The following PRKCSH variants were observed in gnomAD, a reference collection of about 807,000 sequenced individuals.
PRKCSH encodes the protein glucosidase 2 subunit beta.
Under a neutral mutation model 79.7 loss-of-function variants are expected in PRKCSH, and 42 were observed. The observed-to-expected ratio is 0.53, with a 90% CI of 0.41 to 0.68. The LOEUF is 0.68. Among genes scored for constraint, PRKCSH ranks in the 30% least tolerant of loss-of-function variants. PRKCSH has a pLI of 0.00. For synonymous variants in PRKCSH, 325 were observed against 288.2 expected (o/e 1.13, Z -1.29); for missense variants, 686 against 709.0 (o/e 0.97, Z 0.37).
rs189818632 is a variant in PRKCSH, at chr19:11,449,623, A to C, written c.*16+195A>C. On this transcript the variant is annotated intron_variant, in intron 17 of 17. Coordinates refer to ENST00000677123, the MANE Select transcript of PRKCSH (RefSeq NM_001289104.2). This position sits in a 1 kb window ranked among gnomAD's most constrained non-coding sequence, Gnocchi z 6.4. ...AGTGATGCGACCTCAGCTGACTGCA[A>C]CCTCTACCTCCCGGGTTCAAACAAT... The C allele has an allele frequency of 2.0e-5, 13 of 662,172 alleles. No homozygotes were observed. The highest frequency in any genetic ancestry group is 3.1e-5 in the Non-Finnish European group (12 of 392,514). 41.0% of individuals were successfully genotyped at this position (662,172 alleles called of 1,614,324 possible).
intron 5 of PRKCSH, 35 bp from the exon 6 acceptor site, chr19:11,441,205 C>T (rs768306431): frequency 1.9e-6 from 3 of 1,602,438 alleles, no homozygotes; most frequent in South Asian, 2.2e-5. Flanking sequence ...TCCTAAGTGC[C>T]CCACTGGTGG....
At position 11,448,849 on chromosome 19, in the gene PRKCSH, G is replaced by A; in HGVS notation, c.1287-65G>A. 5.1e-6 allele frequency: 8 copies of A among 1,582,646 alleles called. No individual in the cohort carries two copies. Among genetic ancestry groups the A allele is most frequent in the Non-Finnish European group, 6.9e-6 (8 of 1,151,740 alleles). ...TGTGGGGACTGGAGGAGGCGGTGGGGGGTGGCTGTGGGAGGAGGCTGGAAT... is the reference window on the plus strand; with the variant it reads ...TGTGGGGACTGGAGGAGGCGGTGGGAGGTGGCTGTGGGAGGAGGCTGGAAT... On this transcript the variant is annotated intron_variant, in intron 14 of 17. Transcript: ENST00000677123. This position sits in a 1 kb window ranked among gnomAD's most constrained non-coding sequence, Gnocchi z 4.4.
In PRKCSH at chr19:11,436,138, G is replaced by A. The variant is rs781002317; in HGVS notation, c.21G>A (p.Leu7=). The A allele has an allele frequency of 6.2e-7, 1 of 1,608,316 alleles. No individual in the cohort carries two copies. The highest frequency in any genetic ancestry group is 8.5e-7 in the Non-Finnish European group (1 of 1,179,002). ...GTGAGATGCTGTTGCCGCTGCTGCTGCTGCTACCCATGTGCTGGGCCGTGG... is the reference window on the plus strand; with the variant it reads ...GTGAGATGCTGTTGCCGCTGCTGCTACTGCTACCCATGTGCTGGGCCGTGG... MLLPLL[L]LLPMCWAVEV... is the part of the protein sequence containing the mutation. The change falls in exon 2 of 18, where the codon CTG becomes CTA. Residue 7 remains leucine (L), a synonymous_variant. Coordinates refer to ENST00000677123, the MANE Select transcript of PRKCSH (RefSeq NM_001289104.2).
rs114634588 is a variant in PRKCSH, at chr19:11,442,269, T to G, written c.469-117T>G. Reference sequence around the variant, plus strand: ...CCCAGCTCGGGAGAGAGACCCAGCTTGGTGTGTGTTTTGGAACATCTCCCT... The same window carrying G: ...CCCAGCTCGGGAGAGAGACCCAGCTGGGTGTGTGTTTTGGAACATCTCCCT... On this transcript the variant is annotated intron_variant, in intron 6 of 17. Transcript: ENST00000677123. 1.3e-3 allele frequency: 1,823 copies of G among 1,412,764 alleles called. 27 individuals are homozygous for G. The African/African-American group carries it at 0.023, about 18-fold the overall frequency. 87.5% of individuals were successfully genotyped at this position (1,412,764 alleles called of 1,614,324 possible).
rs896739189 is a variant in PRKCSH at position 11,447,300 on chromosome 19, C to A, written c.850-139C>A. On this transcript the variant is annotated intron_variant, in intron 10 of 17. Transcript: ENST00000677123. This position sits in a 1 kb window ranked among gnomAD's most constrained non-coding sequence, Gnocchi z 5.6. ...CCCAGCACCCCCCACCGAGACCCCCCGACCCCAGCTGTCGGTCCTCCCTGC... is the reference window on the plus strand; with the variant it reads ...CCCAGCACCCCCCACCGAGACCCCCAGACCCCAGCTGTCGGTCCTCCCTGC... 2.2e-6 allele frequency: 3 copies of A among 1,333,634 alleles called. No homozygotes were observed. Among genetic ancestry groups the A allele is most frequent in the South Asian group, 2.5e-5 (2 of 80,550 alleles). 82.6% of individuals were successfully genotyped at this position (1,333,634 alleles called of 1,614,324 possible).
chr19:11,445,989 G>A, intron 8 of PRKCSH: 1 of 568,460 alleles, frequency 1.8e-6, no homozygotes, highest in Non-Finnish European at 3.2e-6. Context: ...AATGTGCCGG[G>A]TCCTGGGGTG....
Position 11,449,026 on chromosome 19 carries a change from C to G in PRKCSH, c.1361+38C>G. 1 of 1,613,050 alleles carries G rather than the reference C, an allele frequency of 6.2e-7. No individual in the cohort carries two copies. Among genetic ancestry groups the G allele is most frequent in the Non-Finnish European group, 8.5e-7 (1 of 1,179,972 alleles). Reference sequence around the variant, plus strand: ...GGCTGGCCCCTTCCCTCTGCCTCCTCCTGGTGCCCCGACACCGGCCCAGCC... The same window carrying G: ...GGCTGGCCCCTTCCCTCTGCCTCCTGCTGGTGCCCCGACACCGGCCCAGCC... On this transcript the variant is annotated intron_variant, in intron 15 of 17. Coordinates refer to ENST00000677123, the MANE Select transcript of PRKCSH (RefSeq NM_001289104.2). This position sits in a 1 kb window ranked among gnomAD's most constrained non-coding sequence, Gnocchi z 6.4.
chr19:11,449,120 C>T lies in PRKCSH; in HGVS notation c.1406C>T (p.Ala469Val). ...GGCCCCGACCACGACAAGTTCAGTG[C>T]CATGAAGTATGAGCAAGGCACGGGC... ...WIGPDHDKFS[A>V]MKYEQGTGCW... is the part of the protein sequence containing the mutation. Residue 469 changes from alanine (A) to valine (V), a missense_variant, in exon 16 of 18, where the codon GCC becomes GTC. Physicochemically the swap from Ala to Val is moderately conservative, Grantham distance 64 (BLOSUM62 0). Transcript: ENST00000677123. The surrounding 1 kb of genome is among the most constrained non-coding windows in gnomAD (Gnocchi z 6.4). 1 of 1,613,880 alleles carries T rather than the reference C, an allele frequency of 6.2e-7. No homozygotes were observed. Among genetic ancestry groups the T allele is most frequent in the Non-Finnish European group, 8.5e-7 (1 of 1,180,036 alleles).
intron 9 of PRKCSH, 91 bp downstream of exon 9, chr19:11,446,441 T>G: frequency 6.9e-6 from 10 of 1,450,884 alleles, no homozygotes; most frequent in Non-Finnish European, 8.5e-6. Flanking sequence ...GGAAAGCTCC[T>G]TGCTGGCCTG....
chr19:11,440,496 G>T (rs764947691), intron 5 of PRKCSH, among the ~76,000 whole-genome samples: 132 of 151,272 alleles, frequency 8.7e-4, no homozygotes, highest in Non-Finnish European at 1.3e-3. Flanking sequence ...GCCCAGGCTG[G>T]AGTGCAGTGG....
At chr19:11,444,845 C>T (rs1290850694) in intron 7 of PRKCSH, among the ~76,000 whole-genome samples, 2 of 151,996 alleles carry the variant, frequency 1.3e-5, no homozygotes, top group African/African-American at 4.8e-5. Context: ...CATGAAGTCT[C>T]ATTCCTGCCA....
rs777449218 is a variant in PRKCSH at position 11,447,442 on chromosome 19, C to T, written c.853C>T (p.Leu285=). 1.2e-6 allele frequency: 2 copies of T among 1,613,922 alleles called. No homozygotes were observed. The highest frequency in any genetic ancestry group is 1.7e-5 in the Admixed American group (1 of 60,020). Reference sequence around the variant, plus strand: ...GACCGCACTGCTCACCCGCCAGGCACTGCCCACCGACCTTCCAGCACCTTC... The same window carrying T: ...GACCGCACTGCTCACCCGCCAGGCATTGCCCACCGACCTTCCAGCACCTTC... ...AIRDKYRSEA[L]PTDLPAPSAP... is the part of the protein sequence containing the mutation. Residue 285 remains leucine, a synonymous_variant, in exon 11 of 18, where the codon CTG becomes TTG. Coordinates refer to ENST00000677123, the MANE Select transcript of PRKCSH (RefSeq NM_001289104.2). The surrounding 1 kb of genome is among the most constrained non-coding windows in gnomAD (Gnocchi z 5.6).
rs1343502966 is a variant in PRKCSH at position 11,449,384 on chromosome 19, C to T, written c.1580C>T (p.Pro527Leu). 6.2e-7 allele frequency: 1 copy of T among 1,613,338 alleles called. No individual in the cohort carries two copies. Among genetic ancestry groups the T allele is most frequent in the East Asian group, 2.2e-5 (1 of 44,870 alleles). The part of the protein sequence containing the change: ...AACPEPPPEA[P>L]TEDDHDEL ...TGCCCGGAGCCACCGCCTGAAGCAC[C>T]CACCGAAGACGACCATGACGAGCTC... Residue 527 changes from proline to leucine, a missense_variant, in exon 17 of 18, where the codon CCC (proline) becomes CTC (leucine). By Grantham distance (98) the Pro-to-Leu change is moderately conservative (BLOSUM62 -3). Around this residue, in one of 2 missense-constraint regions of PRKCSH, gnomAD observed 137 missense variants for 188.8 expected, o/e 0.73. Transcript: ENST00000677123. The surrounding 1 kb of genome is among the most constrained non-coding windows in gnomAD (Gnocchi z 6.4).
rs548198814 is a variant in PRKCSH at position 11,436,548 on chromosome 19, C to T, written c.196+43C>T. On this transcript the variant is annotated intron_variant, in intron 3 of 17. Coordinates refer to ENST00000677123, the MANE Select transcript of PRKCSH (RefSeq NM_001289104.2). The stretch of plus-strand genomic sequence containing the variant: ...TCATCCATCAGATGTTTATTGAACA[C>T]TGCTCAGTGCCAGGCCCTGTCTGTG... 6 of 1,443,042 alleles carry T rather than the reference C, an allele frequency of 4.2e-6. No homozygotes were observed. The African/African-American group carries it at 5.6e-5, about 14-fold the overall frequency. The allele number at this position is 1,443,042 out of a possible 1,614,324, so 89.4% of individuals were successfully genotyped here. A position where few individuals can be genotyped will look rare whatever the true frequency, so the allele number is the denominator to read the frequency against.
intron 8 of PRKCSH, 193 bp downstream of exon 8, chr19:11,445,666 T>C (rs1299681706): frequency 1.2e-5 from 8 of 650,974 alleles, no homozygotes; most frequent in Non-Finnish European, 2.2e-5. Context: ...GGCGAGGAGA[T>C]AGGGGGACCA....
chr19:11,445,755 C>T, intron 8 of PRKCSH: 1 of 527,080 alleles, frequency 1.9e-6, no homozygotes, highest in South Asian at 2.0e-5. Context: ...TGGCTTTTCC[C>T]AGCCCCACTA....
intron 7 of PRKCSH, among the ~76,000 whole-genome samples, chr19:11,443,690 A>G (rs1970168745): frequency 6.6e-6 from 1 of 152,096 alleles, no homozygotes; most frequent in South Asian, 2.1e-4. Context: ...AGCCTGGGTG[A>G]CAAAGCAATA....
chr19:11,437,821 G>A, intron 3 of PRKCSH, 55 bp from the exon 4 acceptor site: 1 of 1,472,160 alleles, frequency 6.8e-7, no homozygotes. Context: ...GGATGGATGG[G>A]ACATGTCTGT....
At chr19:11,443,581 C>T (rs1599496226) in intron 7 of PRKCSH, among the ~76,000 whole-genome samples, 1 of 150,668 alleles carries the variant, frequency 6.6e-6, no homozygotes, top group Non-Finnish European at 1.5e-5. Flanking sequence ...ATGGTGGCAT[C>T]TGCCTGTGGT....
Sources: allele counts gnomAD v4.1 joint callset (sites outside exome capture counted in the v4.1 genomes callset), GRCh38; gene constraint gnomAD v4.1.1; regional missense constraint gnomAD v4.1.1; non-coding constraint Gnocchi (gnomAD v3.1); transcripts MANE v1.5; gene names NCBI Gene and HGNC (gene_info 2026-07-23, HGNC 2026-07-21).